The following AUTS2 variants were observed in gnomAD, a reference collection of about 807,000 sequenced individuals.
AUTS2 encodes the protein autism susceptibility gene 2 protein.
In AUTS2, 17 loss-of-function variants were observed where a neutral mutation model predicts 112.4. The observed-to-expected ratio is 0.15, with a 90% confidence interval of 0.10 to 0.23. AUTS2 has a LOEUF of 0.23. AUTS2 is among the 10% of genes least tolerant of loss of function. The pLI is 1.00. For synonymous variants in AUTS2, 751 were observed against 702.7 expected (o/e 1.07, Z -1.09); for missense variants, 1,510 against 1,701.6 (o/e 0.89, Z 1.98).
intron 1 of AUTS2, among the ~76,000 whole-genome samples, chr7:69,695,565 TACTC>T (rs1434077813): frequency 1.3e-5 from 2 of 152,208 alleles, no homozygotes; most frequent in African/African-American, 4.8e-5. Context: ...TGCTTTTTAA[TACTC>T]ACTTTAAAAA....
At chr7:70,564,041 A>G (rs908515598) in intron 5 of AUTS2, among the ~76,000 whole-genome samples, 1 of 152,230 alleles carries the variant, frequency 6.6e-6, no homozygotes, top group Non-Finnish European at 1.5e-5. Flanking sequence ...ATTTTAATAT[A>G]TAATAAAAAA....
At chr7:70,159,738 A>G (rs1220883961) in intron 4 of AUTS2, among the ~76,000 whole-genome samples, 1 of 152,198 alleles carries the variant, frequency 6.6e-6, no homozygotes, top group Non-Finnish European at 1.5e-5. Flanking sequence ...ATAGTTTATG[A>G]ATTGTCAAAC....
intron 1 of AUTS2, among the ~76,000 whole-genome samples, chr7:69,786,360 C>T (rs532528675): frequency 6.6e-6 from 1 of 152,274 alleles, no homozygotes; most frequent in South Asian, 2.1e-4. Context: ...CCAGTCAGCG[C>T]TCTGTGTCTA....
intron 4 of AUTS2, among the ~76,000 whole-genome samples, chr7:70,391,917 C>T (rs1342543176): frequency 6.6e-6 from 1 of 152,074 alleles, no homozygotes; most frequent in Non-Finnish European, 1.5e-5. Context: ...CAGAGCTTCC[C>T]TAGCCACCCC....
intron 7 of AUTS2, 140 bp downstream of exon 7, chr7:70,763,481 G>C (rs1292718585): frequency 1.5e-6 from 1 of 665,262 alleles, no homozygotes; most frequent in Non-Finnish European, 2.6e-6. Context: ...TAGAGACAGG[G>C]AATGGGGCTG....
chr7:70,304,314 T>G (rs961024720), intron 4 of AUTS2, among the ~76,000 whole-genome samples: 1 of 152,210 alleles, frequency 6.6e-6, no homozygotes, highest in African/African-American at 2.4e-5. Flanking sequence ...TGAATGATAG[T>G]GTTTACTTGA....
intron 2 of AUTS2, among the ~76,000 whole-genome samples, chr7:69,959,860 G>A (rs997613895): frequency 2.0e-5 from 3 of 152,088 alleles, no homozygotes; most frequent in Admixed American, 6.6e-5. Context: ...TGTATAGAAG[G>A]CACTCCATAA....
At chr7:70,688,483 T>G (rs1808580033) in intron 5 of AUTS2, among the ~76,000 whole-genome samples, 1 of 152,058 alleles carries the variant, frequency 6.6e-6, no homozygotes. Context: ...ATAGTCACAT[T>G]TAAAGCCAAA....
intron 1 of AUTS2, among the ~76,000 whole-genome samples, chr7:69,709,719 A>G (rs1371054131): frequency 6.6e-6 from 1 of 152,200 alleles, no homozygotes; most frequent in Non-Finnish European, 1.5e-5. Flanking sequence ...TTTCACTGTG[A>G]GGATTTTGTC....
At chr7:70,749,468 A>G (rs1457980885) in intron 6 of AUTS2, among the ~76,000 whole-genome samples, 1 of 152,194 alleles carries the variant, frequency 6.6e-6, no homozygotes, top group Non-Finnish European at 1.5e-5. Flanking sequence ...CATCGAAGTC[A>G]TAGTGTGAGC....
In AUTS2 at chr7:70,162,565, C is replaced by T. The variant is rs541796906; in HGVS notation, c.660+27994C>T. On this transcript the variant is annotated intron_variant, in intron 4 of 18. Transcript: ENST00000342771. Reference sequence around the variant, plus strand: ...TTCCCCTTCTTGGTTCTTGTGCAGTCAATGTCTTTGAGAGTCTTCTTCCAC... The same window carrying T: ...TTCCCCTTCTTGGTTCTTGTGCAGTTAATGTCTTTGAGAGTCTTCTTCCAC... Among the ~76,000 whole-genome samples, 10 of 148,374 alleles carry T rather than the reference C, an allele frequency of 6.7e-5. No homozygotes were observed. In the South Asian group the frequency reaches 2.2e-3, roughly 33 times the overall value.
intron 13 of AUTS2, 55 bp downstream of exon 13, chr7:70,775,441 T>A (rs917076480): frequency 1.9e-5 from 27 of 1,389,300 alleles, no homozygotes; most frequent in Non-Finnish European, 2.0e-6. Context: ...TCCCTGTGGG[T>A]TAAAAATACA....
At chr7:70,282,030 T>A (rs971281568) in intron 4 of AUTS2, among the ~76,000 whole-genome samples, 4 of 152,176 alleles carry the variant, frequency 2.6e-5, no homozygotes, top group African/African-American at 9.7e-5. Flanking sequence ...TAAGCTTTAA[T>A]GATAATTTTG....
intron 4 of AUTS2, among the ~76,000 whole-genome samples, chr7:70,406,879 C>G (rs749923036): frequency 7.2e-5 from 11 of 152,190 alleles, no homozygotes; most frequent in Admixed American, 2.0e-4. Context: ...GTACAGTATG[C>G]TAAAATAAAG....
chr7:69,934,617 C>A (rs1796340818), intron 2 of AUTS2, among the ~76,000 whole-genome samples: 2 of 152,126 alleles, frequency 1.3e-5, no homozygotes, highest in South Asian at 4.1e-4. Flanking sequence ...CCTCAGCAGA[C>A]CCTATTAGAC....
At chr7:70,517,130 G>A (rs373526578) in intron 5 of AUTS2, among the ~76,000 whole-genome samples, 18 of 152,154 alleles carry the variant, frequency 1.2e-4, no homozygotes, top group African/African-American at 3.9e-4. Flanking sequence ...TCCTGAATAA[G>A]GGATTTGTTT....
At chr7:70,448,803 A>G (rs1309725646) in intron 5 of AUTS2, among the ~76,000 whole-genome samples, 1 of 152,224 alleles carries the variant, frequency 6.6e-6, no homozygotes, top group African/African-American at 2.4e-5. Flanking sequence ...GAGAAAAATC[A>G]GAGTTTACCC....
At chr7:69,943,124 C>T (rs1219335680) in intron 2 of AUTS2, among the ~76,000 whole-genome samples, 1 of 152,122 alleles carries the variant, frequency 6.6e-6, no homozygotes, top group East Asian at 1.9e-4. Flanking sequence ...CATGCATATG[C>T]CTCATGCATA....
chr7:70,030,305 T>G (rs1257591614), intron 2 of AUTS2, among the ~76,000 whole-genome samples: 1 of 152,234 alleles, frequency 6.6e-6, no homozygotes, highest in Non-Finnish European at 1.5e-5. Flanking sequence ...CCTACTCTTC[T>G]GTTGTTCTTC....
Sources: gnomAD v4.1 joint callset for allele counts (sites outside exome capture counted in the v4.1 genomes callset) on GRCh38, gnomAD v4.1.1 for gene constraint, MANE v1.5 for transcripts, NCBI Gene and HGNC (gene_info 2026-07-23, HGNC 2026-07-21) for gene names.